ARID2: variants seen among roughly 807,000 people sequenced by gnomAD.
The protein encoded by ARID2 is AT-rich interaction domain 2, also known as AT-rich interactive domain-containing protein 2.
A neutral mutation model predicts 184.6 loss-of-function variants in ARID2; 32 were observed. The observed-to-expected ratio is 0.17, with a 90% CI of 0.13 to 0.23. ARID2 has a LOEUF of 0.23. Ranked by LOEUF, ARID2 falls within the 10% of genes least tolerant of loss-of-function variation. The probability of loss-of-function intolerance (pLI) is 1.00; values close to 1 mark genes in which losing one functional copy is unlikely to be tolerated. For synonymous variants in ARID2, 836 were observed against 772.6 expected (o/e 1.08, Z -1.36); for missense variants, 1,696 against 2,197.6 (o/e 0.77, Z 4.56).
intron 12 of ARID2, among the ~76,000 whole-genome samples, chr12:45,848,034 A>G (rs1943475861): frequency 6.6e-6 from 1 of 152,174 alleles, no homozygotes; most frequent in Middle Eastern, 3.4e-3. Flanking sequence ...TTAAGCATAG[A>G]TTTGGTCTTA....
At chr12:45,904,712 A>G (rs1944500148) in intron 20 of ARID2, among the ~76,000 whole-genome samples, 2 of 151,272 alleles carry the variant, frequency 1.3e-5, no homozygotes, top group African/African-American at 4.8e-5. Context: ...AAAAAAAAAA[A>G]AAGGTACTAT....
At chr12:45,769,984 G>T (rs1313748393) in intron 3 of ARID2, among the ~76,000 whole-genome samples, 1 of 152,182 alleles carries the variant, frequency 6.6e-6, no homozygotes, top group East Asian at 1.9e-4. Context: ...GCCGGGCGCG[G>T]TGGCTCACAC....
At chr12:45,844,049 T>G (rs896263166) in intron 11 of ARID2, among the ~76,000 whole-genome samples, 1 of 152,168 alleles carries the variant, frequency 6.6e-6, no homozygotes, top group African/African-American at 2.4e-5. Flanking sequence ...TTTCTTTTTT[T>G]TGAGAAAGGG....
At chr12:45,733,042 C>T (rs1941032538) in intron 3 of ARID2, among the ~76,000 whole-genome samples, 1 of 151,992 alleles carries the variant, frequency 6.6e-6, no homozygotes, top group African/African-American at 2.4e-5. Context: ...TCAAATTGGG[C>T]TTTTTGCTCT....
chr12:45,768,198 A>G (rs961652617), intron 3 of ARID2, among the ~76,000 whole-genome samples: 3 of 152,066 alleles, frequency 2.0e-5, no homozygotes, highest in African/African-American at 7.2e-5. Flanking sequence ...TCTCAAAGGA[A>G]TAGGATATCA....
At chr12:45,842,014 T>C (rs960538513) in intron 11 of ARID2, 1 of 149,944 alleles carries the variant, frequency 6.7e-6, no homozygotes, top group Non-Finnish European at 1.5e-5. Flanking sequence ...TCCCAGCACT[T>C]TGGGAGGCTG....
At chr12:45,892,456 G>C (rs556614507) in intron 18 of ARID2, among the ~76,000 whole-genome samples, 1 of 149,336 alleles carries the variant, frequency 6.7e-6, no homozygotes, top group South Asian at 2.1e-4. Context: ...TAATGGCAAA[G>C]AGATTTCATA....
At chr12:45,759,494 A>G (rs890246010) in intron 3 of ARID2, among the ~76,000 whole-genome samples, 12 of 152,162 alleles carry the variant, frequency 7.9e-5, no homozygotes, top group Admixed American at 7.2e-4. Flanking sequence ...TTGCAATATG[A>G]TCTAGGAGAT....
intron 3 of ARID2, among the ~76,000 whole-genome samples, chr12:45,787,719 A>G (rs1175525846): frequency 6.6e-6 from 1 of 152,188 alleles, no homozygotes; most frequent in Non-Finnish European, 1.5e-5. Context: ...ATGAATAGAC[A>G]TAAAACTAGG....
chr12:45,849,062 T>G, intron 13 of ARID2, 92 bp downstream of exon 13: 1 of 1,404,448 alleles, frequency 7.1e-7, no homozygotes, highest in South Asian at 1.5e-5. Context: ...TTATCTAGTT[T>G]TAAATATTTC....
intron 20 of ARID2, among the ~76,000 whole-genome samples, chr12:45,898,785 C>T (rs371455458): frequency 5.9e-5 from 9 of 151,948 alleles, no homozygotes; most frequent in Admixed American, 3.3e-4. Flanking sequence ...GGCATGGTGG[C>T]GCATGCCTGT....
chr12:45,853,034 C>T, intron 15 of ARID2, 138 bp downstream of exon 15: 1 of 1,287,166 alleles, frequency 7.8e-7, no homozygotes, highest in Non-Finnish European at 9.9e-7. Context: ...CTGTCCTTTT[C>T]TTTTTCTCTG....
At position 45,860,935 on chromosome 12, in the gene ARID2, G is replaced by T; in HGVS notation, c.4908G>T (p.Trp1636Cys). Reference protein sequence around the residue: ...RKPGQNFMCLWQSCKKWFQTP... With the variant: ...RKPGQNFMCLCQSCKKWFQTP... ...CTGGACAGAACTTCATGTGTCTGTGGCAGTCTTGTAAAAAGTAAATGGCAA... is the reference window on the plus strand; with the variant it reads ...CTGGACAGAACTTCATGTGTCTGTGTCAGTCTTGTAAAAAGTAAATGGCAA... The change falls in exon 16 of 21, where the codon TGG becomes TGT. Residue 1636 changes from tryptophan (W) to cysteine (C), a missense_variant. By Grantham distance (215) the Trp-to-Cys change is radical. Around this residue, in one of 11 missense-constraint regions of ARID2, gnomAD observed 111 missense variants for 154.0 expected, o/e 0.72. Transcript: ENST00000334344. 6.4e-7 allele frequency: 1 copy of T among 1,574,620 alleles called. No homozygotes were observed. Among genetic ancestry groups the T allele is most frequent in the Non-Finnish European group, 8.6e-7 (1 of 1,163,014 alleles).
In ARID2 at chr12:45,832,634, A is replaced by G. The variant is rs1040377820; in HGVS notation, c.706-3955A>G. Among the ~76,000 whole-genome samples the G allele has an allele frequency of 6.6e-5, 10 of 151,828 alleles. 1 individual carries two copies. The highest frequency in any genetic ancestry group is 2.4e-4 in the African/African-American group (10 of 41,324). The stretch of plus-strand genomic sequence containing the variant: ...TGGGACTATAGGCATCCACCACCAC[A>G]CCCAGACCCCTCTTCTTTTCCTGGT... On this transcript the variant is annotated intron_variant, in intron 6 of 20. Transcript: ENST00000334344.
intron 20 of ARID2, among the ~76,000 whole-genome samples, chr12:45,897,619 ATGAAT>A (rs1020914985): frequency 7.2e-5 from 11 of 152,192 alleles, no homozygotes; most frequent in African/African-American, 1.7e-4. Flanking sequence ...ATATTCACAA[ATGAAT>A]TGAAGGCAGG....
In ARID2 at chr12:45,903,468, C is replaced by T. The variant is rs1174037643; in HGVS notation, c.5364-1466C>T. Among the ~76,000 whole-genome samples the T allele has an allele frequency of 2.0e-5, 3 of 152,132 alleles. No homozygotes were observed. The East Asian group carries it at 5.8e-4, about 29-fold the overall frequency. The stretch of plus-strand genomic sequence containing the variant: ...GAAATGTATGAGAGTCTCAGCTACT[C>T]CATGTACTTGCCAACATTTGGTATT... On this transcript the variant is annotated intron_variant, in intron 20 of 20. Coordinates refer to ENST00000334344, the MANE Select transcript of ARID2 (RefSeq NM_152641.4).
At chr12:45,748,743 C>A (rs1375982233) in intron 3 of ARID2, among the ~76,000 whole-genome samples, 1 of 152,172 alleles carries the variant, frequency 6.6e-6, no homozygotes, top group Non-Finnish European at 1.5e-5. Context: ...CCTTTGTTGT[C>A]ATTTCAGCAA....
At chr12:45,780,446 T>C (rs1461916248) in intron 3 of ARID2, among the ~76,000 whole-genome samples, 1 of 152,092 alleles carries the variant, frequency 6.6e-6, no homozygotes, top group Non-Finnish European at 1.5e-5. Context: ...CTTTTTTTCA[T>C]TTGGGAAACT....
intron 3 of ARID2, among the ~76,000 whole-genome samples, chr12:45,786,256 C>CT (rs1378331544): frequency 2.6e-5 from 4 of 152,116 alleles, no homozygotes; most frequent in Non-Finnish European, 5.9e-5. Context: ...GAGGACAAAT[C>CT]TAGCCCAATG....
Sources: gnomAD v4.1 joint callset for allele counts (sites outside exome capture counted in the v4.1 genomes callset) on GRCh38, gnomAD v4.1.1 for gene constraint, gnomAD v4.1.1 regional missense constraint, MANE v1.5 for transcripts, NCBI Gene and HGNC (gene_info 2026-07-23, HGNC 2026-07-21) for gene names.